DAB1: variants seen among roughly 807,000 people sequenced by gnomAD.
DAB1 encodes disabled homolog 1.
In DAB1, 15 loss-of-function variants were observed where a neutral mutation model predicts 64.6. That is an observed-to-expected ratio of 0.23 (90% CI 0.16 to 0.36). DAB1 has a LOEUF of 0.36. Among genes scored for constraint, DAB1 ranks in the 10% least tolerant of loss-of-function variants. The pLI, the probability that DAB1 is intolerant of heterozygous loss-of-function variation, is 1.00. For missense variants in DAB1, 596 were observed against 706.7 expected (o/e 0.84, Z 1.78); for synonymous variants, 235 against 251.9 (o/e 0.93, Z 0.64).
intron 9 of DAB1, among the ~76,000 whole-genome samples, chr1:57,039,661 T>C (rs1209139316): frequency 6.6e-6 from 1 of 152,210 alleles, no homozygotes; most frequent in South Asian, 2.1e-4. Context: ...CCATCCCTTA[T>C]ACCTATTTTA....
chr1:57,754,816 T>A (rs1648726023), intron 6 of DAB1, among the ~76,000 whole-genome samples: 1 of 152,204 alleles, frequency 6.6e-6, no homozygotes, highest in Non-Finnish European at 1.5e-5. Context: ...CTGGTATATC[T>A]GACTCCAGGC....
At chr1:57,365,549 T>C (rs532894651) in intron 1 of DAB1, among the ~76,000 whole-genome samples, 6 of 151,678 alleles carry the variant, frequency 4.0e-5, no homozygotes, top group Non-Finnish European at 8.8e-5. Context: ...ACCAAATACA[T>C]AATACAACAT....
At chr1:57,519,122 G>A (rs549472849) in intron 7 of DAB1, among the ~76,000 whole-genome samples, 25 of 152,244 alleles carry the variant, frequency 1.6e-4, no homozygotes, top group African/African-American at 6.0e-4. Context: ...CCCCCAAAAT[G>A]ACCTCATTAC....
downstream of DAB1, among the ~76,000 whole-genome samples, chr1:57,822,633 A>G (rs1557500414): frequency 6.6e-6 from 1 of 152,186 alleles, no homozygotes; most frequent in Non-Finnish European, 1.5e-5. Flanking sequence ...AATATTTAAT[A>G]TTGCCCTGTT....
chr1:57,441,657 A>G (rs921104233), intron 7 of DAB1, among the ~76,000 whole-genome samples: 5 of 152,086 alleles, frequency 3.3e-5, no homozygotes, highest in African/African-American at 7.2e-5. Context: ...TGCAGCCACC[A>G]TCTATTTTCT....
At chr1:58,376,563 T>C (rs1644328661) in intron 3 of DAB1, among the ~76,000 whole-genome samples, 1 of 147,552 alleles carries the variant, frequency 6.8e-6, no homozygotes, top group South Asian at 2.1e-4. Flanking sequence ...ATAATTTCTG[T>C]TCGTTTACAT....
At chr1:57,617,444 C>T (rs181963832) in intron 7 of DAB1, among the ~76,000 whole-genome samples, 35 of 152,138 alleles carry the variant, frequency 2.3e-4, no homozygotes, top group Admixed American at 1.6e-3. Context: ...ACAAGTACCC[C>T]GTCTCAAGCC....
intron 1 of DAB1, among the ~76,000 whole-genome samples, chr1:57,837,423 G>C (rs561426066): frequency 5.9e-5 from 9 of 152,162 alleles, no homozygotes; most frequent in African/African-American, 2.2e-4. Flanking sequence ...TCTTTGGCCT[G>C]AAACAGGGTT....
intron 4 of DAB1, among the ~76,000 whole-genome samples, chr1:58,238,943 T>A (rs972423066): frequency 2.0e-5 from 3 of 152,138 alleles, no homozygotes; most frequent in African/African-American, 7.2e-5. Context: ...ATATACCATA[T>A]GCATAGAGAG....
At chr1:58,221,581 C>T (rs1377904099) in intron 4 of DAB1, among the ~76,000 whole-genome samples, 1 of 152,212 alleles carries the variant, frequency 6.6e-6, no homozygotes, top group African/African-American at 2.4e-5. Context: ...GTGCCCCTCA[C>T]TGACTCTGTG....
At chr1:58,060,914 A>G (rs980858273) in intron 5 of DAB1, among the ~76,000 whole-genome samples, 7 of 152,344 alleles carry the variant, frequency 4.6e-5, no homozygotes, top group African/African-American at 1.7e-4. Flanking sequence ...GTGGGAGGAC[A>G]CTGTTTGGGG....
At chr1:57,481,754 T>C (rs1014495186) in intron 7 of DAB1, among the ~76,000 whole-genome samples, 2 of 151,184 alleles carry the variant, frequency 1.3e-5, no homozygotes, top group Non-Finnish European at 2.9e-5. Context: ...AAGGCAGAGG[T>C]TGCAGTGAGC....
chr1:57,070,856 T>C, intron 7 of DAB1, 167 bp downstream of exon 7: 1 of 674,284 alleles, frequency 1.5e-6, no homozygotes, highest in Non-Finnish European at 2.7e-6. Flanking sequence ...CTGTTAGTTT[T>C]TATGGAAATT....
At chr1:57,618,896 G>A (rs1451633196) in intron 7 of DAB1, among the ~76,000 whole-genome samples, 1 of 151,646 alleles carries the variant, frequency 6.6e-6, no homozygotes, top group East Asian at 1.9e-4. Flanking sequence ...CAACAACTTT[G>A]TGACCTTGGG....
chr1:58,374,118 G>A (rs9659570), intron 3 of DAB1, among the ~76,000 whole-genome samples: 5 of 79,494 alleles, frequency 6.3e-5, no homozygotes, highest in South Asian at 4.8e-4. Flanking sequence ...ATTTTCTCCC[G>A]TGTTGTAGGT....
intron 4 of DAB1, among the ~76,000 whole-genome samples, chr1:58,301,194 G>C (rs2100462949): frequency 7.1e-6 from 1 of 140,862 alleles, no homozygotes; most frequent in African/African-American, 2.6e-5. Context: ...GCATATGCTA[G>C]GTTCAAGACT....
intron 2 of DAB1, among the ~76,000 whole-genome samples, chr1:57,152,334 T>G (rs1231401538): frequency 1.3e-5 from 2 of 152,230 alleles, no homozygotes; most frequent in African/African-American, 2.4e-5. Context: ...TTCACTTGGT[T>G]CCATAAACAA....
At chr1:57,391,289 G>T (rs1157100990) in intron 1 of DAB1, among the ~76,000 whole-genome samples, 1 of 152,168 alleles carries the variant, frequency 6.6e-6, no homozygotes, top group Non-Finnish European at 1.5e-5. Flanking sequence ...TATGAAAAAA[G>T]AAGAGGCTGC....
chr1:57,741,974 C>T (rs1648015976), intron 6 of DAB1, among the ~76,000 whole-genome samples: 1 of 152,202 alleles, frequency 6.6e-6, no homozygotes, highest in Admixed American at 6.5e-5. Context: ...TGGATCTCCA[C>T]AGGAGCACTA....
Sources: allele counts gnomAD v4.1 joint callset (sites outside exome capture counted in the v4.1 genomes callset), GRCh38; gene constraint gnomAD v4.1.1; transcripts MANE v1.5; gene names NCBI Gene and HGNC (gene_info 2026-07-23, HGNC 2026-07-21).